CCDC141: variants seen among roughly 807,000 people sequenced by gnomAD.
The protein encoded by CCDC141 is coiled-coil domain containing 141.
Under a neutral mutation model 181.0 loss-of-function variants are expected in CCDC141, and 168 were observed. That is an observed-to-expected ratio of 0.93 (90% CI 0.82 to 1.05). The LOEUF (loss-of-function observed/expected upper bound fraction) is 1.05, where lower values mean the gene tolerates loss of function less well. CCDC141 is among the 50% of genes least tolerant of loss of function. The probability of loss-of-function intolerance (pLI) is 0.00; values close to 1 mark genes in which losing one functional copy is unlikely to be tolerated. For synonymous variants in CCDC141, 666 were observed against 642.3 expected (o/e 1.04, Z -0.56); for missense variants, 1,902 against 1,788.5 (o/e 1.06, Z -1.14).
intron 2 of CCDC141, among the ~76,000 whole-genome samples, chr2:179,023,547 A>G (rs773431790): frequency 2.6e-5 from 4 of 152,240 alleles, no homozygotes; most frequent in Non-Finnish European, 5.9e-5. Flanking sequence ...AGTGGTTCTC[A>G]CTAGCAATCA....
At position 178,905,432 on chromosome 2, in the gene CCDC141, C is replaced by T; in HGVS notation, c.1162G>A (p.Val388Ile). The T allele has an allele frequency of 6.4e-7, 1 of 1,551,006 alleles. No homozygotes were observed. Among genetic ancestry groups the T allele is most frequent in the African/African-American group, 1.4e-5 (1 of 73,156 alleles). The change falls in exon 8 of 24, where the codon GTT (valine) becomes ATT (isoleucine). Residue 388 changes from valine to isoleucine, a missense_variant. Transcript: ENST00000443758. ...AATTCCTCATGCCTCACTGCCAAAA[C>T]AGCCAGACTTAAACCCTCTGATTTA... ...LLKSEGLSLA[V>I]LAVRHEELHR...
intron 22 of CCDC141, among the ~76,000 whole-genome samples, chr2:178,841,253 C>T (rs1435208346): frequency 6.6e-6 from 1 of 152,200 alleles, no homozygotes; most frequent in Non-Finnish European, 1.5e-5. Context: ...CTCTTGAGTA[C>T]AATTATAACT....
intron 6 of CCDC141, among the ~76,000 whole-genome samples, chr2:178,921,426 A>G (rs1338725024): frequency 2.0e-5 from 3 of 152,232 alleles, no homozygotes; most frequent in Non-Finnish European, 4.4e-5. Flanking sequence ...ATTTATGGGT[A>G]TTCCCATTAC....
At chr2:178,917,908 C>T (rs13391052) in intron 7 of CCDC141, among the ~76,000 whole-genome samples, 7,202 of 152,272 alleles carry the variant, frequency 0.047, 452 homozygotes, top group South Asian at 0.2. Flanking sequence ...TGTTTCTAGC[C>T]TTACGGCTTG....
At chr2:178,973,220 A>G (rs1490130932) in intron 4 of CCDC141, among the ~76,000 whole-genome samples, 1 of 152,074 alleles carries the variant, frequency 6.6e-6, no homozygotes, top group East Asian at 1.9e-4. Flanking sequence ...TTTTTGTTTT[A>G]TGAAAACAAA....
At chr2:179,028,265 G>T (rs915415417) in intron 2 of CCDC141, among the ~76,000 whole-genome samples, 4 of 152,122 alleles carry the variant, frequency 2.6e-5, no homozygotes, top group Admixed American at 2.6e-4. Flanking sequence ...GTATCTCATG[G>T]AAATTCAGAT....
At chr2:178,997,344 T>C (rs1451235662) in intron 2 of CCDC141, among the ~76,000 whole-genome samples, 1 of 152,096 alleles carries the variant, frequency 6.6e-6, no homozygotes, top group African/African-American at 2.4e-5. Context: ...TATTTTATTG[T>C]CCATTGCTGA....
Position 178,866,027 on chromosome 2 carries a change from A to G in CCDC141, c.2575-111T>C, listed in dbSNP as rs531424434. Reference sequence around the variant, plus strand: ...TAAATGACACTTTTTAAAAAAAGAAATAGGTTCCTGATTTATTTTACCTTA... The same window carrying G: ...TAAATGACACTTTTTAAAAAAAGAAGTAGGTTCCTGATTTATTTTACCTTA... On this transcript the variant is annotated intron_variant, in intron 16 of 23. Transcript: ENST00000443758. 4.5e-5 allele frequency: 38 copies of G among 847,564 alleles called. No homozygotes were observed. In the East Asian group the frequency reaches 1.1e-3, roughly 24 times the overall value. The allele number at this position is 847,564 out of a possible 1,614,324, so 52.5% of individuals were successfully genotyped here. A position where few individuals can be genotyped will look rare whatever the true frequency, so the allele number is the denominator to read the frequency against.
chr2:178,839,663 G>A (rs1235826949), intron 22 of CCDC141, among the ~76,000 whole-genome samples: 1 of 146,220 alleles, frequency 6.8e-6, no homozygotes, highest in Admixed American at 6.9e-5. Context: ...CTATCCCACA[G>A]AGATTATCTC....
At chr2:178,981,869 A>T (rs1691428749) in intron 2 of CCDC141, among the ~76,000 whole-genome samples, 1 of 151,352 alleles carries the variant, frequency 6.6e-6, no homozygotes, top group African/African-American at 2.4e-5. Context: ...CTAAGAAAAG[A>T]TCAATAAAAT....
chr2:178,966,891 T>G (rs1054811298), intron 4 of CCDC141, among the ~76,000 whole-genome samples: 2 of 151,278 alleles, frequency 1.3e-5, no homozygotes, highest in Admixed American at 6.6e-5. Context: ...GAATAACCAG[T>G]GCAGAGAAGA....
intron 10 of CCDC141, among the ~76,000 whole-genome samples, chr2:178,885,898 C>T (rs1406556827): frequency 6.6e-6 from 1 of 152,112 alleles, no homozygotes; most frequent in Non-Finnish European, 1.5e-5. Flanking sequence ...AATTTAGAGG[C>T]CCTGCTTCAT....
chr2:178,883,530 G>C (rs1355255026), intron 11 of CCDC141, among the ~76,000 whole-genome samples: 1 of 152,124 alleles, frequency 6.6e-6, no homozygotes, highest in Admixed American at 6.6e-5. Flanking sequence ...ATATTATAAA[G>C]GAATTGGATA....
rs1688444439 is a variant in CCDC141 at position 178,916,310 on chromosome 2, A to G, written c.1092+2403T>C. Among the ~76,000 whole-genome samples the G allele has an allele frequency of 2.0e-5, 3 of 152,178 alleles. 1 individual carries two copies. The South Asian group carries it at 6.2e-4, about 32-fold the overall frequency. ...ACATTTTAAGGGATTTTGAAATTAT[A>G]TTAATTTTAAAACTTCAGTTCTTTA... is the stretch of plus-strand genomic sequence containing the variant. On this transcript the variant is annotated intron_variant, in intron 7 of 23. Transcript: ENST00000443758.
intron 17 of CCDC141, among the ~76,000 whole-genome samples, chr2:178,860,759 C>G (rs998426223): frequency 2.6e-5 from 4 of 151,600 alleles, no homozygotes; most frequent in Non-Finnish European, 4.4e-5. Context: ...TGAGGCCAGC[C>G]GCTAGCGGCT....
chr2:178,981,830 G>C (rs920427277), intron 2 of CCDC141, among the ~76,000 whole-genome samples: 9 of 149,950 alleles, frequency 6.0e-5, no homozygotes, highest in African/African-American at 2.0e-4. Flanking sequence ...GAAAACAATA[G>C]AGAAAATCAA....
Position 178,888,649 on chromosome 2 carries a change from G to C in CCDC141, c.1285C>G (p.His429Asp). The change falls in exon 9 of 24, where the codon CAT becomes GAT. Residue 429 changes from histidine (H) to aspartate (D), a missense_variant. Transcript: ENST00000443758. The stretch of plus-strand genomic sequence containing the variant: ...CTCTTAATGCACCCCATCATCTCAT[G>C]GATGCCGGACACCTGAGAGCTGAAC... The part of the protein sequence containing the change: ...DSCSSQVSGI[H>D]EMMGCIKRRV... 3.2e-6 allele frequency: 5 copies of C among 1,550,614 alleles called. No individual in the cohort carries two copies. Among genetic ancestry groups the C allele is most frequent in the Non-Finnish European group, 4.4e-6 (5 of 1,146,808 alleles).
At chr2:178,873,837 A>G (rs889469550) in intron 12 of CCDC141, 1 of 152,210 alleles carries the variant, frequency 6.6e-6, no homozygotes, top group African/African-American at 2.4e-5. Flanking sequence ...TTCATGCACC[A>G]TGAATGGTTT....
At chr2:178,974,512 T>C (rs1431250232) in intron 4 of CCDC141, among the ~76,000 whole-genome samples, 1 of 152,204 alleles carries the variant, frequency 6.6e-6, no homozygotes, top group Non-Finnish European at 1.5e-5. Flanking sequence ...AACTAGACTA[T>C]CTTTCTAGTT....
Sources: gnomAD v4.1 joint callset for allele counts (sites outside exome capture counted in the v4.1 genomes callset) on GRCh38, gnomAD v4.1.1 for gene constraint, MANE v1.5 for transcripts, NCBI Gene and HGNC (gene_info 2026-07-23, HGNC 2026-07-21) for gene names.